The following UIMC1 variants were observed in gnomAD, a reference collection of about 807,000 sequenced individuals.
UIMC1 encodes BRCA1-A complex subunit RAP80.
UIMC1 carries 42 observed loss-of-function variants against 84.9 expected under a neutral mutation model. The observed-to-expected ratio is 0.49, with a 90% confidence interval of 0.39 to 0.64. The LOEUF (loss-of-function observed/expected upper bound fraction) is 0.64, where lower values mean the gene tolerates loss of function less well. Among genes scored for constraint, UIMC1 ranks in the 30% least tolerant of loss-of-function variants. The pLI, the probability that UIMC1 is intolerant of heterozygous loss-of-function variation, is 0.00. For missense variants in UIMC1, 825 were observed against 847.6 expected (o/e 0.97, Z 0.33); for synonymous variants, 281 against 293.0 (o/e 0.96, Z 0.42).
At chr5:176,925,813 C>T (rs1762324989) in intron 10 of UIMC1, among the ~76,000 whole-genome samples, 1 of 152,096 alleles carries the variant, frequency 6.6e-6, no homozygotes, top group African/African-American at 2.4e-5. Flanking sequence ...GATATTAATG[C>T]TCCGTGTCTT....
chr5:176,914,002 C>G (rs116790275), intron 10 of UIMC1, among the ~76,000 whole-genome samples: 106 of 142,260 alleles, frequency 7.5e-4, no homozygotes, highest in African/African-American at 3.0e-3. Flanking sequence ...CCATACCATA[C>G]CATAGCATAC....
At chr5:176,908,270 G>A (rs976125865) in intron 12 of UIMC1, among the ~76,000 whole-genome samples, 1 of 152,134 alleles carries the variant, frequency 6.6e-6, no homozygotes, top group African/African-American at 2.4e-5. Flanking sequence ...TATCATCTTT[G>A]AGTAGCTAAA....
intron 1 of UIMC1, among the ~76,000 whole-genome samples, chr5:177,020,588 G>A (rs994948233): frequency 3.9e-5 from 6 of 152,008 alleles, no homozygotes; most frequent in African/African-American, 9.7e-5. Context: ...CCGCCACCAC[G>A]CCCGGCTAAT....
At chr5:177,010,365 C>T (rs1393653658), upstream of UIMC1, among the ~76,000 whole-genome samples, 1 of 152,156 alleles carries the variant, frequency 6.6e-6, no homozygotes, top group Non-Finnish European at 1.5e-5. Context: ...AAAATTAGAA[C>T]AATGCCTAGC....
In UIMC1 at chr5:176,998,692, G is replaced by A. The variant is rs756272392; in HGVS notation, c.-9+7958C>T. 7.9e-5 allele frequency among the ~76,000 whole-genome samples: 12 copies of A among 151,716 alleles called. No homozygotes were observed. The South Asian group carries it at 1.0e-3, about 13-fold the overall frequency. Reference sequence around the variant, plus strand: ...TGAGGCAGGAGAATCGCTTGAACCCGGGCGGTGGAGGTTGCGGTGAGCCAA... The same window carrying A: ...TGAGGCAGGAGAATCGCTTGAACCCAGGCGGTGGAGGTTGCGGTGAGCCAA... On this transcript the variant is annotated intron_variant, in intron 1 of 14. Transcript: ENST00000511320.
chr5:176,958,838 C>T (rs1056447259), intron 6 of UIMC1, among the ~76,000 whole-genome samples: 1 of 152,144 alleles, frequency 6.6e-6, no homozygotes, highest in Non-Finnish European at 1.5e-5. Flanking sequence ...GTAGAGTTGA[C>T]GCAAATACCA....
At chr5:176,977,999 T>C (rs1770407229) in intron 2 of UIMC1, among the ~76,000 whole-genome samples, 2 of 152,100 alleles carry the variant, frequency 1.3e-5, no homozygotes, top group Admixed American at 1.3e-4. Flanking sequence ...TGCTTTTTTC[T>C]ATTCTAAAGC....
intron 11 of UIMC1, among the ~76,000 whole-genome samples, chr5:176,909,595 CCATT>C (rs1478659592): frequency 6.6e-6 from 1 of 151,976 alleles, no homozygotes; most frequent in African/African-American, 2.4e-5. Context: ...CTCTTTCTGG[CCATT>C]ATTATTCAGT....
intron 2 of UIMC1, among the ~76,000 whole-genome samples, chr5:176,979,390 T>G (rs1770664630): frequency 6.6e-6 from 1 of 152,078 alleles, no homozygotes; most frequent in South Asian, 2.1e-4. Context: ...GTGTATCACC[T>G]GAGGTCAGGA....
chr5:176,997,025 C>T (rs747684659), intron 1 of UIMC1, among the ~76,000 whole-genome samples: 2 of 152,066 alleles, frequency 1.3e-5, no homozygotes, highest in Non-Finnish European at 2.9e-5. Flanking sequence ...TCTATGTGCA[C>T]GCGTGCGCAC....
chr5:176,995,232 C>G (rs1773430241), intron 1 of UIMC1, among the ~76,000 whole-genome samples: 1 of 152,020 alleles, frequency 6.6e-6, no homozygotes, highest in Admixed American at 6.6e-5. Context: ...CAAAGACAAC[C>G]CAGATTCCAT....
intron 11 of UIMC1, among the ~76,000 whole-genome samples, 193 bp from the exon 12 acceptor site, chr5:176,908,887 T>C (rs567408884): frequency 6.6e-6 from 1 of 152,354 alleles, no homozygotes; most frequent in South Asian, 2.1e-4. Context: ...ACTGAGTGAT[T>C]AGCAGTTTTC....
chr5:176,985,317 G>A (rs578193316), intron 1 of UIMC1, among the ~76,000 whole-genome samples: 251 of 152,018 alleles, frequency 1.7e-3, no homozygotes, highest in African/African-American at 5.9e-3. Flanking sequence ...TTAGCCGGGC[G>A]TGGTAGCGCA....
chr5:177,017,076 C>T (rs1200891530), intron 1 of UIMC1, among the ~76,000 whole-genome samples: 1 of 152,136 alleles, frequency 6.6e-6, no homozygotes, highest in African/African-American at 2.4e-5. Context: ...AATAAAGAAG[C>T]CTGAGAAGTG....
At chr5:176,966,314 G>A (rs138385996) in intron 6 of UIMC1, among the ~76,000 whole-genome samples, 1 of 152,294 alleles carries the variant, frequency 6.6e-6, no homozygotes, top group Non-Finnish European at 1.5e-5. Context: ...TATTCCCACT[G>A]TATAGACGTG....
intron 10 of UIMC1, among the ~76,000 whole-genome samples, chr5:176,921,859 G>A (rs994566636): frequency 9.2e-5 from 14 of 152,000 alleles, no homozygotes; most frequent in Middle Eastern, 3.2e-3. Context: ...ACCCCCCTAT[G>A]GCTTTTCATC....
At chr5:176,971,922 A>C (rs1561854045) in intron 3 of UIMC1, among the ~76,000 whole-genome samples, 1 of 152,178 alleles carries the variant, frequency 6.6e-6, no homozygotes, top group African/African-American at 2.4e-5. Flanking sequence ...AAAAACCAAA[A>C]ACAAAAACAA....
intron 1 of UIMC1, among the ~76,000 whole-genome samples, chr5:176,999,175 AAAAT>A (rs1186164410): frequency 6.6e-6 from 1 of 152,204 alleles, no homozygotes; most frequent in East Asian, 1.9e-4. Context: ...TGTCTCAGAA[AAAAT>A]AATAATAATA....
At chr5:176,926,064 TCTAA>T (rs1216575831) in intron 10 of UIMC1, among the ~76,000 whole-genome samples, 1 of 152,174 alleles carries the variant, frequency 6.6e-6, no homozygotes, top group Non-Finnish European at 1.5e-5. Flanking sequence ...ATAAGATTCT[TCTAA>T]CTTTGTTGTG....
Sources: allele counts gnomAD v4.1 joint callset (sites outside exome capture counted in the v4.1 genomes callset), GRCh38; gene constraint gnomAD v4.1.1; transcripts MANE v1.5; gene names NCBI Gene and HGNC (gene_info 2026-07-23, HGNC 2026-07-21).